FRYL: variants seen among roughly 807,000 people sequenced by gnomAD.
FRYL encodes the protein FRY like transcription coactivator, also known as protein furry homolog-like.
Under a neutral mutation model 351.2 loss-of-function variants are expected in FRYL, and 150 were observed. The observed-to-expected ratio is 0.43, with a 90% CI of 0.37 to 0.49. FRYL has a LOEUF of 0.49. Ranked by LOEUF, FRYL falls within the 20% of genes least tolerant of loss-of-function variation. The pLI is 0.00. For missense variants in FRYL, 3,036 were observed against 3,619.3 expected, an observed-to-expected ratio of 0.84 and a Z score of 4.13; for synonymous variants, 1,153 against 1,257.1, an observed-to-expected ratio of 0.92 and a Z score of 1.75.
At chr4:48,637,451 A>G (rs1470238953) in intron 3 of FRYL, 4 of 152,092 alleles carry the variant, frequency 2.6e-5, no homozygotes, top group Non-Finnish European at 5.9e-5. Flanking sequence ...TGCATTAAAT[A>G]CCTTATAATG....
chr4:48,689,562 C>A lies in FRYL; in HGVS notation c.-203-4767G>T, dbSNP rs540427149. The stretch of plus-strand genomic sequence containing the variant: ...CTAAAAATCTATTACTATAAGTACA[C>A]CACACATAAGTTTACAGAAATCATA... On this transcript the variant is annotated intron_variant, in intron 2 of 63. Coordinates refer to ENST00000358350, the MANE Select transcript of FRYL (RefSeq NM_015030.2). 1.4e-3 allele frequency among the ~76,000 whole-genome samples: 218 copies of A among 152,208 alleles called. 5 individuals carry two copies. The South Asian group carries it at 0.043, about 30-fold the overall frequency.
rs181930625 is a variant in FRYL, at chr4:48,712,326, T to G, written c.-383-1628A>C. Among the ~76,000 whole-genome samples the G allele has an allele frequency of 2.9e-4, 43 of 149,694 alleles. 1 individual carries two copies. The highest frequency in any genetic ancestry group is 2.7e-3 in the Admixed American group (40 of 15,060). On this transcript the variant is annotated intron_variant, in intron 1 of 63. Coordinates refer to ENST00000358350, the MANE Select transcript of FRYL (RefSeq NM_015030.2). The stretch of plus-strand genomic sequence containing the variant: ...AAGAAGTTAAAAACTTTGAAAAAAA[T>G]TTAGAGGAATGTATAACTAGAATAA...
chr4:48,633,846 CACAATAGCATTTACA>C (rs1273973439), intron 4 of FRYL, among the ~76,000 whole-genome samples: 1 of 151,226 alleles, frequency 6.6e-6, no homozygotes, highest in Non-Finnish European at 1.5e-5. Context: ...TATTATCCAT[CACAATAGCATTTACA>C]ACTCTTTAGA....
chr4:48,610,876 G>A (rs1042170097), intron 7 of FRYL, among the ~76,000 whole-genome samples: 2 of 150,132 alleles, frequency 1.3e-5, no homozygotes, highest in African/African-American at 4.9e-5. Context: ...AATTTGATAT[G>A]TATATATCAC....
At chr4:48,564,261 G>C (rs1484979943) in intron 30 of FRYL, among the ~76,000 whole-genome samples, 159 bp from the exon 31 acceptor site, 1 of 152,126 alleles carries the variant, frequency 6.6e-6, no homozygotes, top group Non-Finnish European at 1.5e-5. Context: ...TATTCAGCCA[G>C]CAGAAAAAAC....
intron 55 of FRYL, among the ~76,000 whole-genome samples, chr4:48,516,464 A>C (rs1307610944): frequency 6.6e-6 from 1 of 152,216 alleles, no homozygotes; most frequent in Non-Finnish European, 1.5e-5. Context: ...ATAAGTACTA[A>C]TGGTCATAGT....
intron 55 of FRYL, among the ~76,000 whole-genome samples, chr4:48,515,622 T>C (rs1407067650): frequency 6.6e-6 from 1 of 152,130 alleles, no homozygotes; most frequent in Non-Finnish European, 1.5e-5. Flanking sequence ...TCTGCCCGCC[T>C]TGGCCTCCCA....
intron 1 of FRYL, among the ~76,000 whole-genome samples, chr4:48,769,526 T>C (rs1775305161): frequency 2.0e-5 from 3 of 152,250 alleles, no homozygotes; most frequent in Admixed American, 1.3e-4. Flanking sequence ...AACAGTCTGG[T>C]AGTTTCTTAT....
At chr4:48,504,839 TAATA>T (rs5858118) in intron 60 of FRYL, among the ~76,000 whole-genome samples, 149,613 of 152,072 alleles carry the variant, frequency 0.98, 73,634 homozygotes, top group East Asian at 1. Flanking sequence ...TTTTTTACTA[TAATA>T]AATAGTATAA....
Position 48,634,697 on chromosome 4 carries a change from T to TC in FRYL, c.-80-208dup, listed in dbSNP as rs569276073. Among the ~76,000 whole-genome samples the TC allele has an allele frequency of 1.2e-4, 18 of 152,316 alleles. No individual in the cohort carries two copies. The East Asian group carries it at 3.5e-3, about 29-fold the overall frequency. On this transcript the variant is annotated intron_variant, in intron 3 of 63. Coordinates refer to ENST00000358350, the MANE Select transcript of FRYL (RefSeq NM_015030.2). Reference sequence around the variant, plus strand: ...ATGTATATTATGTACTGTTTCTCTCTCTATCCTACTAATGTGAATATAAGA... The same window carrying TC: ...ATGTATATTATGTACTGTTTCTCTCTCCTATCCTACTAATGTGAATATAAGA...
chr4:48,747,167 C>CCA (rs542627179), intron 1 of FRYL, among the ~76,000 whole-genome samples: 1 of 150,864 alleles, frequency 6.6e-6, no homozygotes, highest in Non-Finnish European at 1.5e-5. Flanking sequence ...CCCTATCCCC[C>CCA]CCCAAAAAAA....
intron 29 of FRYL, 55 bp from the exon 30 acceptor site, chr4:48,565,098 G>T: frequency 9.8e-7 from 1 of 1,016,814 alleles, no homozygotes; most frequent in Non-Finnish European, 1.5e-6. Context: ...TTAAATGTTG[G>T]TTGCTTAATG....
intron 1 of FRYL, among the ~76,000 whole-genome samples, chr4:48,726,537 C>T (rs1308482399): frequency 6.6e-6 from 1 of 152,068 alleles, no homozygotes; most frequent in African/African-American, 2.4e-5. Context: ...CAAAAATTAG[C>T]CAGGCATGGT....
At chr4:48,653,989 A>G in intron 3 of FRYL, 10 of 1,062,438 alleles carry the variant, frequency 9.4e-6, no homozygotes, top group Non-Finnish European at 1.2e-5. Context: ...AATGCCGCTG[A>G]ATGCAGATGA....
intron 3 of FRYL, among the ~76,000 whole-genome samples, chr4:48,658,624 G>A (rs1261842017): frequency 1.3e-5 from 2 of 149,530 alleles, no homozygotes; most frequent in African/African-American, 4.9e-5. Flanking sequence ...TGTGGTGGCA[G>A]CCGCTTGCAG....
intron 2 of FRYL, among the ~76,000 whole-genome samples, chr4:48,687,727 A>G (rs973212638): frequency 1.3e-5 from 2 of 152,160 alleles, no homozygotes; most frequent in African/African-American, 4.8e-5. Flanking sequence ...AAGCAAATAG[A>G]GCAAAAATTA....
chr4:48,660,337 G>A (rs1760441362), intron 3 of FRYL, among the ~76,000 whole-genome samples: 1 of 152,172 alleles, frequency 6.6e-6, no homozygotes, highest in Non-Finnish European at 1.5e-5. Context: ...CCTTTGAAAG[G>A]CCTTACAAGG....
At chr4:48,760,307 AT>A (rs1274599167) in intron 1 of FRYL, among the ~76,000 whole-genome samples, 82 of 152,120 alleles carry the variant, frequency 5.4e-4, no homozygotes, top group Admixed American at 3.7e-3. Flanking sequence ...ATGTATATTA[AT>A]TTTCACTTTA....
At chr4:48,757,475 G>A (rs1191733887) in intron 1 of FRYL, among the ~76,000 whole-genome samples, 1 of 152,074 alleles carries the variant, frequency 6.6e-6, no homozygotes, top group Admixed American at 6.5e-5. Flanking sequence ...AATCATGAGT[G>A]AACTCCCATT....
Sources: allele counts gnomAD v4.1 joint callset (sites outside exome capture counted in the v4.1 genomes callset), GRCh38; gene constraint gnomAD v4.1.1; transcripts MANE v1.5; gene names NCBI Gene and HGNC (gene_info 2026-07-23, HGNC 2026-07-21).